The following CYBC1 variants were observed in gnomAD, a reference collection of about 807,000 sequenced individuals.
CYBC1 encodes the protein cytochrome b-245 chaperone 1, also known as essential for reactive oxygen species protein.
Under a neutral mutation model 21.7 loss-of-function variants are expected in CYBC1, and 22 were observed. The observed-to-expected ratio is 1.02, with a 90% CI of 0.73 to 1.45. CYBC1 has a LOEUF of 1.45. Ranked by LOEUF, CYBC1 falls within the 40% of genes most tolerant of loss-of-function variation. The probability of loss-of-function intolerance (pLI) is 0.00; values close to 1 mark genes in which losing one functional copy is unlikely to be tolerated. For synonymous variants in CYBC1, 112 were observed against 98.7 expected (o/e 1.13, Z -0.80); for missense variants, 237 against 242.1 (o/e 0.98, Z 0.14).
chr17:82,443,782 C>T lies in CYBC1; in HGVS notation c.*222G>A, dbSNP rs748844565. On this transcript the variant is annotated 3_prime_UTR_variant, in exon 7 of 7. Transcript: ENST00000306645. The surrounding 1 kb of genome is among the most constrained non-coding windows in gnomAD (Gnocchi z 6.7). The stretch of plus-strand genomic sequence containing the variant: ...AAGCCAAGGCCACGGGTCCTGTGGG[C>T]GGTGCACGGGCTCAGGCACACCGGG... 8.9e-6 allele frequency: 8 copies of T among 896,816 alleles called. No individual in the cohort carries two copies. The highest frequency in any genetic ancestry group is 2.4e-5 in the East Asian group (1 of 41,636). 55.6% of individuals were successfully genotyped at this position (896,816 alleles called of 1,614,324 possible).
At chr17:82,445,728 A>G (rs2054243688) in intron 5 of CYBC1, 136 bp downstream of exon 5, 1 of 631,364 alleles carries the variant, frequency 1.6e-6, no homozygotes, top group Non-Finnish European at 2.7e-6. Flanking sequence ...GGCAGGACAC[A>G]ACCCTGGTCA....
chr17:82,443,505 G>A lies in CYBC1; in HGVS notation c.*499C>T, dbSNP rs554949488. 19 of 697,412 alleles carry A rather than the reference G, an allele frequency of 2.7e-5. No individual in the cohort carries two copies. The highest frequency in any genetic ancestry group is 1.9e-4 in the African/African-American group (11 of 57,294). 43.2% of individuals were successfully genotyped at this position (697,412 alleles called of 1,614,324 possible). Reference sequence around the variant, plus strand: ...TGGGGATGTCCACCAGGGAGAGGACGCTGTGTCGGGGACAACATGCAGCAT... The same window carrying A: ...TGGGGATGTCCACCAGGGAGAGGACACTGTGTCGGGGACAACATGCAGCAT... On this transcript the variant is annotated 3_prime_UTR_variant, in exon 7 of 7. Coordinates refer to ENST00000306645, the MANE Select transcript of CYBC1 (RefSeq NM_001033046.4). This position sits in a 1 kb window ranked among gnomAD's most constrained non-coding sequence, Gnocchi z 6.7.
At chr17:82,446,104 G>T in intron 4 of CYBC1, 144 bp from the exon 5 acceptor site, 1 of 643,974 alleles carries the variant, frequency 1.6e-6, no homozygotes, top group Non-Finnish European at 2.7e-6. Flanking sequence ...AACCCCTGAA[G>T]CCACAGGTGC....
intron 5 of CYBC1, chr17:82,444,900 C>T (rs2054189574): frequency 1.0e-5 from 3 of 291,318 alleles, no homozygotes; most frequent in South Asian, 8.7e-5. Context: ...CTGCACTGTT[C>T]CTCCAGGTCT....
At chr17:82,444,628 C>T (rs369177558) in intron 5 of CYBC1, 37 bp from the exon 6 acceptor site, 1 of 1,565,328 alleles carries the variant, frequency 6.4e-7, no homozygotes, top group Non-Finnish European at 8.7e-7. Flanking sequence ...CCATCCCCGC[C>T]CACACATGCT....
At position 82,443,490 on chromosome 17, in the gene CYBC1, C is replaced by G. The variant is rs1345527916; in HGVS notation, c.*514G>C. On this transcript the variant is annotated 3_prime_UTR_variant, in exon 7 of 7. Coordinates refer to ENST00000306645, the MANE Select transcript of CYBC1 (RefSeq NM_001033046.4). This position sits in a 1 kb window ranked among gnomAD's most constrained non-coding sequence, Gnocchi z 6.7. Reference sequence around the variant, plus strand: ...GAAGCACCTGACCGCTGGGGATGTCCACCAGGGAGAGGACGCTGTGTCGGG... The same window carrying G: ...GAAGCACCTGACCGCTGGGGATGTCGACCAGGGAGAGGACGCTGTGTCGGG... 1.4e-6 allele frequency: 1 copy of G among 693,550 alleles called. No homozygotes were observed. Among genetic ancestry groups the G allele is most frequent in the South Asian group, 1.5e-5 (1 of 66,482 alleles). 43.0% of individuals were successfully genotyped at this position (693,550 alleles called of 1,614,324 possible).
Position 82,442,596 on chromosome 17 carries a change from G to C in CYBC1, c.*1408C>G, listed in dbSNP as rs373593415. 4.5e-6 allele frequency: 7 copies of C among 1,563,438 alleles called. No homozygotes were observed. The highest frequency in any genetic ancestry group is 1.4e-5 in the African/African-American group (1 of 73,744). The stretch of plus-strand genomic sequence containing the variant: ...CACAGGGAGACCCGCTTTGTGATCT[G>C]CATGTGTGACACTGATTCTTTGGAA... On this transcript the variant is annotated 3_prime_UTR_variant, in exon 7 of 7. Transcript: ENST00000306645. This position sits in a 1 kb window ranked among gnomAD's most constrained non-coding sequence, Gnocchi z 6.8.
At chr17:82,448,238 G>A (rs2054423226) in intron 2 of CYBC1, 1 of 189,356 alleles carries the variant, frequency 5.3e-6, no homozygotes, top group Non-Finnish European at 1.1e-5. Context: ...GATGGAGGAC[G>A]GGAGGCTAAG....
chr17:82,443,672 G>T lies in CYBC1; in HGVS notation c.*332C>A. ...GCCTCACGATGGAGAAAGTCTGGATGTCCTGGTCTGGCCTGCTGTTTCATG... is the reference window on the plus strand; with the variant it reads ...GCCTCACGATGGAGAAAGTCTGGATTTCCTGGTCTGGCCTGCTGTTTCATG... On this transcript the variant is annotated 3_prime_UTR_variant, in exon 7 of 7. Coordinates refer to ENST00000306645, the MANE Select transcript of CYBC1 (RefSeq NM_001033046.4). This position sits in a 1 kb window ranked among gnomAD's most constrained non-coding sequence, Gnocchi z 6.7. 1 of 767,300 alleles carries T rather than the reference G, an allele frequency of 1.3e-6. No individual in the cohort carries two copies. The highest frequency in any genetic ancestry group is 2.4e-6 in the Non-Finnish European group (1 of 420,250). 47.5% of individuals were successfully genotyped at this position (767,300 alleles called of 1,614,324 possible).
chr17:82,444,386 AG>A, intron 6 of CYBC1, 60 bp downstream of exon 6: 1 of 1,555,312 alleles, frequency 6.4e-7, no homozygotes, highest in Non-Finnish European at 8.7e-7. Context: ...CTGGGCAGTC[AG>A]GAACGGGAGT....
chr17:82,443,566 C>T lies in CYBC1; in HGVS notation c.*438G>A. The T allele has an allele frequency of 2.8e-6, 2 of 702,080 alleles. No individual in the cohort carries two copies. The highest frequency in any genetic ancestry group is 5.2e-6 in the Non-Finnish European group (2 of 384,986). 43.5% of individuals were successfully genotyped at this position (702,080 alleles called of 1,614,324 possible). The stretch of plus-strand genomic sequence containing the variant: ...AAGGGCCCGGCCTGGCCCCGCCTCT[C>T]CACTCGCCCGAGGTCTTGCTGTGGC... On this transcript the variant is annotated 3_prime_UTR_variant, in exon 7 of 7. Coordinates refer to ENST00000306645, the MANE Select transcript of CYBC1 (RefSeq NM_001033046.4). The surrounding 1 kb of genome is among the most constrained non-coding windows in gnomAD (Gnocchi z 6.7).
chr17:82,446,720 G>C (rs1567911349), intron 3 of CYBC1, 24 bp from the exon 4 acceptor site: 2 of 1,612,476 alleles, frequency 1.2e-6, no homozygotes, highest in East Asian at 4.5e-5. Flanking sequence ...TAGGGCGCCA[G>C]CCTGTGAGCT....
At chr17:82,445,547 G>C (rs1270813279) in intron 5 of CYBC1, 2 of 237,460 alleles carry the variant, frequency 8.4e-6, no homozygotes, top group African/African-American at 4.6e-5. Context: ...CCGAGCCCGG[G>C]TGGGCCAGAC....
Position 82,443,543 on chromosome 17 carries a change from G to A in CYBC1, c.*461C>T. On this transcript the variant is annotated 3_prime_UTR_variant, in exon 7 of 7. Coordinates refer to ENST00000306645, the MANE Select transcript of CYBC1 (RefSeq NM_001033046.4). This position sits in a 1 kb window ranked among gnomAD's most constrained non-coding sequence, Gnocchi z 6.7. ...CAACATGCAGCATCAGCACCCACAA[G>A]GGCCCGGCCTGGCCCCGCCTCTCCA... The A allele has an allele frequency of 1.4e-6, 1 of 701,378 alleles. No individual in the cohort carries two copies. Among genetic ancestry groups the A allele is most frequent in the East Asian group, 2.7e-5 (1 of 37,246 alleles). 43.4% of individuals were successfully genotyped at this position (701,378 alleles called of 1,614,324 possible).
intron 1 of CYBC1, 76 bp from the exon 2 acceptor site, chr17:82,449,368 A>G: frequency 1.4e-6 from 1 of 720,636 alleles, no homozygotes; most frequent in Non-Finnish European, 2.1e-6. Context: ...CCCAGTCTGG[A>G]GGCCAAGAGC....
intron 5 of CYBC1, 35 bp downstream of exon 5, chr17:82,445,829 C>A: frequency 6.5e-7 from 1 of 1,533,636 alleles, no homozygotes. Flanking sequence ...GCCTCTGTGG[C>A]CGTGTCCCAT....
rs143145165 is a variant in CYBC1 at position 82,445,145 on chromosome 17, T to C, written c.299-554A>G. The C allele has an allele frequency of 5.0e-3, 779 of 154,388 alleles. 4 individuals are homozygous for C. In the Middle Eastern group the frequency reaches 0.051, roughly 10 times the overall value. 9.6% of individuals were successfully genotyped at this position (154,388 alleles called of 1,614,324 possible). A position where few individuals can be genotyped will look rare whatever the true frequency, so the allele number is the denominator to read the frequency against. On this transcript the variant is annotated intron_variant, in intron 5 of 6. Transcript: ENST00000306645. ...GAAGCAGCCTGTCAGAAGTGCAGCA[T>C]TGCGGCACTAAACCCAAGACTGCCC...
rs562814292 is a variant in CYBC1 at position 82,444,178 on chromosome 17, G to A, written c.444-54C>T. The A allele has an allele frequency of 2.1e-4, 335 of 1,580,952 alleles. 1 individual carries two copies. The Middle Eastern group carries it at 8.4e-3, about 40-fold the overall frequency. ...TCAGGTCACCTCGGCATAGGGCACC[G>A]TGAGACCCCACAGCAGTCTCCTCCT... is the stretch of plus-strand genomic sequence containing the variant. On this transcript the variant is annotated intron_variant, in intron 6 of 6. Transcript: ENST00000306645.
chr17:82,443,421 A>C lies in CYBC1; in HGVS notation c.*583T>G. 3.4e-6 allele frequency: 2 copies of C among 588,586 alleles called. No individual in the cohort carries two copies. The highest frequency in any genetic ancestry group is 3.5e-5 in the South Asian group (2 of 57,890). The allele number at this position is 588,586 out of a possible 1,614,324, so 36.5% of individuals were successfully genotyped here. On this transcript the variant is annotated 3_prime_UTR_variant, in exon 7 of 7. Transcript: ENST00000306645. The surrounding 1 kb of genome is among the most constrained non-coding windows in gnomAD (Gnocchi z 6.7). ...CTTCCACAGTGTGGCTGCAGCGTGCACAGCCAGGTAGGCCCTGGATGTTCA... is the reference window on the plus strand; with the variant it reads ...CTTCCACAGTGTGGCTGCAGCGTGCCCAGCCAGGTAGGCCCTGGATGTTCA...
Sources: gnomAD v4.1 joint callset for allele counts on GRCh38, gnomAD v4.1.1 for gene constraint, Gnocchi (gnomAD v3.1) non-coding constraint, MANE v1.5 for transcripts, NCBI Gene and HGNC (gene_info 2026-07-23, HGNC 2026-07-21) for gene names.